NCOA6: variants seen among roughly 807,000 people sequenced by gnomAD.
The protein encoded by NCOA6 is NRC RAP250.
NCOA6 carries 49 observed loss-of-function variants against 171.4 expected under a neutral mutation model. That is an observed-to-expected ratio of 0.29 (90% CI 0.23 to 0.36). The LOEUF is 0.36. Among genes scored for constraint, NCOA6 ranks in the 10% least tolerant of loss-of-function variants. The probability of loss-of-function intolerance (pLI) is 1.00; values close to 1 mark genes in which losing one functional copy is unlikely to be tolerated. For synonymous variants in NCOA6, 910 were observed against 927.5 expected (o/e 0.98, Z 0.34); for missense variants, 2,248 against 2,554.5 (o/e 0.88, Z 2.59).
intron 6 of NCOA6, 130 bp from the exon 7 acceptor site, chr20:34,758,234 A>C: frequency 8.1e-7 from 1 of 1,230,738 alleles, no homozygotes; most frequent in African/African-American, 1.5e-5. Context: ...ATGCTTGTGA[A>C]TACCTTCTAT....
At chr20:34,784,508 G>C (rs1285612056) in intron 2 of NCOA6, among the ~76,000 whole-genome samples, 1 of 152,136 alleles carries the variant, frequency 6.6e-6, no homozygotes, top group Non-Finnish European at 1.5e-5. Flanking sequence ...TTACAGGCAT[G>C]AGCTACCATG....
chr20:34,724,954 A>G (rs539123655), intron 14 of NCOA6, among the ~76,000 whole-genome samples: 1 of 151,842 alleles, frequency 6.6e-6, no homozygotes, highest in South Asian at 2.1e-4. Context: ...ACACCCAGCT[A>G]ATTTTTGTAT....
intron 1 of NCOA6, among the ~76,000 whole-genome samples, chr20:34,800,193 C>G (rs943526877): frequency 6.6e-6 from 1 of 151,668 alleles, no homozygotes; most frequent in African/African-American, 2.4e-5. Context: ...TATTTGCAAC[C>G]CTCATGATAA....
intron 13 of NCOA6, among the ~76,000 whole-genome samples, chr20:34,728,452 C>G (rs1568717328): frequency 6.6e-6 from 1 of 152,170 alleles, no homozygotes; most frequent in Non-Finnish European, 1.5e-5. Flanking sequence ...TTAGCAACAT[C>G]TGGAGACATT....
At chr20:34,758,663 A>C in intron 6 of NCOA6, 142 bp downstream of exon 6, 1 of 1,111,676 alleles carries the variant, frequency 9.0e-7, no homozygotes, top group Non-Finnish European at 1.3e-6. Context: ...ATTTAGTTTG[A>C]AGAAATCAGG....
chr20:34,765,245 G>C (rs2076943133), intron 5 of NCOA6, among the ~76,000 whole-genome samples: 1 of 151,794 alleles, frequency 6.6e-6, no homozygotes, highest in Non-Finnish European at 1.5e-5. Context: ...AAGGTCAGGA[G>C]ATCGAGACCA....
Position 34,742,353 on chromosome 20 carries a change from T to C in NCOA6, c.3903A>G (p.Gln1301=), listed in dbSNP as rs377479923. The C allele has an allele frequency of 1.2e-5, 19 of 1,614,166 alleles. No homozygotes were observed. The highest frequency in any genetic ancestry group is 1.4e-5 in the Non-Finnish European group (17 of 1,180,030). ...CTACCACAGAATCTAATTTGTGAGTTTGTGGGGTAGCAAAATTGGAAGGAT... is the reference window on the plus strand; with the variant it reads ...CTACCACAGAATCTAATTTGTGAGTCTGTGGGGTAGCAAAATTGGAAGGAT... ...TMNPSNFATP[Q]THKLDSVVVN... is the part of the protein sequence containing the mutation. Residue 1301 remains glutamine (Q), a synonymous_variant, in exon 11 of 15, where the codon CAA becomes CAG. Transcript: ENST00000359003.
At chr20:34,773,724 A>T (rs2077223679) in intron 4 of NCOA6, among the ~76,000 whole-genome samples, 1 of 152,154 alleles carries the variant, frequency 6.6e-6, no homozygotes, top group African/African-American at 2.4e-5. Flanking sequence ...GGGTTTCACC[A>T]TGTTGGCCAG....
At chr20:34,738,324 TCTC>T (rs1414935799) in intron 11 of NCOA6, among the ~76,000 whole-genome samples, 4 of 152,184 alleles carry the variant, frequency 2.6e-5, no homozygotes, top group Non-Finnish European at 2.9e-5. Context: ...TGCTGGTTCA[TCTC>T]CTCAAGGCCC....
At chr20:34,778,802 A>G (rs570992317) in intron 3 of NCOA6, among the ~76,000 whole-genome samples, 1 of 152,098 alleles carries the variant, frequency 6.6e-6, no homozygotes, top group Non-Finnish European at 1.5e-5. Flanking sequence ...ACTAAAAAAT[A>G]CAAAAAATTA....
Position 34,758,853 on chromosome 20 carries a change from G to C in NCOA6, c.595C>G (p.Pro199Ala). 2 of 1,613,492 alleles carry C rather than the reference G, an allele frequency of 1.2e-6. No homozygotes were observed. Among genetic ancestry groups the C allele is most frequent in the Non-Finnish European group, 1.7e-6 (2 of 1,179,882 alleles). ...NVSSSMMAPGPNPELQPRTPR... is the reference protein window; with the variant it reads ...NVSSSMMAPGANPELQPRTPR... Reference sequence around the variant, plus strand: ...GTCCTGGGCTGCAGCTCTGGATTGGGGCCTGGTGCCATCATGGAAGATGAC... The same window carrying C: ...GTCCTGGGCTGCAGCTCTGGATTGGCGCCTGGTGCCATCATGGAAGATGAC... The change falls in exon 6 of 15, where the codon CCC becomes GCC. Residue 199 changes from proline (P) to alanine (A), a missense_variant. Pro to Ala is a conservative substitution (Grantham distance 27, BLOSUM62 -1). This residue lies in a region of NCOA6 where 987 missense variants were observed against 1,104.7 expected (regional missense o/e 0.89). Transcript: ENST00000359003.
intron 5 of NCOA6, among the ~76,000 whole-genome samples, chr20:34,763,824 G>A (rs1045954314): frequency 6.6e-6 from 1 of 152,130 alleles, no homozygotes; most frequent in African/African-American, 2.4e-5. Context: ...ATGCCAGAGA[G>A]TGACATTTTC....
rs35924752 is a variant in NCOA6 at position 34,792,776 on chromosome 20, A to ATTT, written c.-163-216_-163-214dup. 3.1e-3 allele frequency among the ~76,000 whole-genome samples: 351 copies of ATTT among 112,300 alleles called. 2 individuals are homozygous for ATTT. The highest frequency in any genetic ancestry group is 4.8e-3 in the Middle Eastern group (1 of 210). 73.7% of individuals were successfully genotyped at this position (112,300 alleles called of 152,430 possible). ...AAGTCTACAAAGATTATCTTTTCTG[A>ATTT]TTTTTTTTTTTTTTTTTTTTTGAGA... On this transcript the variant is annotated intron_variant, in intron 1 of 14. Coordinates refer to ENST00000359003, the MANE Select transcript of NCOA6 (RefSeq NM_014071.5).
chr20:34,800,956 T>G (rs1280670897), intron 1 of NCOA6, among the ~76,000 whole-genome samples: 1 of 152,208 alleles, frequency 6.6e-6, no homozygotes, highest in Non-Finnish European at 1.5e-5. Context: ...ACAGACCATA[T>G]GTTAGGCTAC....
intron 14 of NCOA6, among the ~76,000 whole-genome samples, chr20:34,725,675 CA>C (rs141132749): frequency 0.031 from 4,708 of 152,118 alleles, 244 homozygotes; most frequent in African/African-American, 0.11. Context: ...ATAAAATGGG[CA>C]GTTTTTTGTG....
intron 1 of NCOA6, among the ~76,000 whole-genome samples, chr20:34,800,396 T>G (rs571746634): frequency 6.6e-6 from 1 of 152,266 alleles, no homozygotes; most frequent in Admixed American, 6.5e-5. Context: ...TGAATGTTAA[T>G]GGACTAAATT....
intron 8 of NCOA6, among the ~76,000 whole-genome samples, chr20:34,751,595 C>G (rs2076489864): frequency 6.6e-6 from 1 of 151,974 alleles, no homozygotes. Flanking sequence ...GATCTGGAAG[C>G]TGAGCCTCTG....
At chr20:34,721,374 A>C (rs937080657) in intron 14 of NCOA6, among the ~76,000 whole-genome samples, 1 of 151,924 alleles carries the variant, frequency 6.6e-6, no homozygotes, top group African/African-American at 2.4e-5. Context: ...CAGGGATGGA[A>C]GCTTCTACAC....
intron 4 of NCOA6, among the ~76,000 whole-genome samples, chr20:34,772,149 G>A (rs529707946): frequency 2.6e-5 from 4 of 152,052 alleles, no homozygotes; most frequent in South Asian, 4.1e-4. Flanking sequence ...GTGAGACCCC[G>A]TCTCTATAAA....
Sources: gnomAD v4.1 joint callset for allele counts (sites outside exome capture counted in the v4.1 genomes callset) on GRCh38, gnomAD v4.1.1 for gene constraint, gnomAD v4.1.1 regional missense constraint, MANE v1.5 for transcripts, NCBI Gene and HGNC (gene_info 2026-07-23, HGNC 2026-07-21) for gene names.